Variants in USO1 observed in about 807,000 individuals in gnomAD.
The protein encoded by USO1 is USO1 vesicle transport factor.
USO1 carries 57 observed loss-of-function variants against 124.5 expected under a neutral mutation model. The ratio of observed to expected loss-of-function variants is 0.46; its 90% CI spans 0.37 to 0.57. The LOEUF is 0.57. Ranked by LOEUF, USO1 falls within the 20% of genes least tolerant of loss-of-function variation. The pLI is 0.00. For missense variants in USO1, 900 were observed against 1,040.6 expected, an observed-to-expected ratio of 0.86 and a Z score of 1.86; for synonymous variants, 369 against 362.8, an observed-to-expected ratio of 1.02 and a Z score of -0.19.
intron 1 of USO1, among the ~76,000 whole-genome samples, chr4:75,749,873 T>C (rs1721255072): frequency 6.6e-6 from 1 of 151,624 alleles, no homozygotes; most frequent in Non-Finnish European, 1.5e-5. Context: ...TGCCTCAGCC[T>C]CCTGAGTAGC....
At chr4:75,757,153 A>G (rs1361057008) in intron 3 of USO1, among the ~76,000 whole-genome samples, 1 of 152,098 alleles carries the variant, frequency 6.6e-6, no homozygotes, top group African/African-American at 2.4e-5. Flanking sequence ...ACTTGCTATT[A>G]TATCAAGAAT....
intron 4 of USO1, among the ~76,000 whole-genome samples, chr4:75,766,066 AC>A (rs1721761231): frequency 6.6e-6 from 1 of 152,158 alleles, no homozygotes; most frequent in Non-Finnish European, 1.5e-5. Flanking sequence ...GCCACCACTA[AC>A]CTAAGATATA....
intron 17 of USO1, among the ~76,000 whole-genome samples, chr4:75,801,683 C>T (rs1327230431): frequency 6.6e-6 from 1 of 152,302 alleles, no homozygotes; most frequent in East Asian, 1.9e-4. Context: ...CATCCCCTTC[C>T]CTCTACTGCT....
chr4:75,728,797 T>TTTTTG (rs745893624), intron 1 of USO1, among the ~76,000 whole-genome samples: 2 of 152,150 alleles, frequency 1.3e-5, no homozygotes, highest in Non-Finnish European at 2.9e-5. Context: ...TTTGTTTTTG[T>TTTTTG]TTTTGTTTTG....
intron 11 of USO1, 103 bp from the exon 12 acceptor site, chr4:75,790,540 G>A: frequency 5.5e-6 from 8 of 1,457,028 alleles, no homozygotes; most frequent in Non-Finnish European, 7.3e-6. Flanking sequence ...TAACTTGCTG[G>A]TGTTCTGGTT....
chr4:75,763,089 A>G (rs894129565), intron 4 of USO1, among the ~76,000 whole-genome samples: 1 of 152,258 alleles, frequency 6.6e-6, no homozygotes, highest in African/African-American at 2.4e-5. Flanking sequence ...TGAACTTAGT[A>G]TAGAATAGAA....
At chr4:75,761,607 G>A (rs918729012) in intron 4 of USO1, among the ~76,000 whole-genome samples, 3 of 151,958 alleles carry the variant, frequency 2.0e-5, no homozygotes, top group South Asian at 2.1e-4. Context: ...ACCTTAACTC[G>A]TAGAACTCAC....
At position 75,790,384 on chromosome 4, in the gene USO1, G is replaced by A. The variant is rs1722494136; in HGVS notation, c.1085+146G>A. On this transcript the variant is annotated intron_variant, in intron 11 of 23. Coordinates refer to ENST00000514213, the MANE Select transcript of USO1 (RefSeq NM_003715.4). ...ATTATCTGACAAGATAAATGATATT[G>A]ATATTTTAAAAGAGTTGGTAGTCTT... The A allele has an allele frequency of 4.0e-6, 5 of 1,242,966 alleles. No individual in the cohort carries two copies. The East Asian group carries it at 1.3e-4, about 32-fold the overall frequency. The allele number at this position is 1,242,966 out of a possible 1,614,324, so 77.0% of individuals were successfully genotyped here. A position where few individuals can be genotyped will look rare whatever the true frequency, so the allele number is the denominator to read the frequency against.
At chr4:75,793,090 G>C (rs940460042) in intron 12 of USO1, among the ~76,000 whole-genome samples, 6 of 150,860 alleles carry the variant, frequency 4.0e-5, no homozygotes, top group Non-Finnish European at 8.8e-5. Context: ...TCATTGTTTT[G>C]TATGGCTGAA....
At chr4:75,778,277 G>A (rs1722126684) in intron 8 of USO1, among the ~76,000 whole-genome samples, 1 of 152,042 alleles carries the variant, frequency 6.6e-6, no homozygotes, top group African/African-American at 2.4e-5. Flanking sequence ...TACGTTGTAT[G>A]TATTATATAC....
chr4:75,799,186 T>G (rs1334812681), intron 13 of USO1, among the ~76,000 whole-genome samples: 1 of 148,940 alleles, frequency 6.7e-6, no homozygotes. Flanking sequence ...TTTTTTGTTT[T>G]TTGGTTTTTT....
At chr4:75,806,677 A>C in intron 20 of USO1, 105 bp downstream of exon 20, 2 of 1,397,166 alleles carry the variant, frequency 1.4e-6, no homozygotes, top group Non-Finnish European at 1.9e-6. Context: ...AGATGTAAGT[A>C]AAATTTAAGT....
At chr4:75,764,943 T>G (rs1477247596) in intron 4 of USO1, among the ~76,000 whole-genome samples, 2 of 152,196 alleles carry the variant, frequency 1.3e-5, no homozygotes, top group Non-Finnish European at 2.9e-5. Context: ...ACAGAGCATA[T>G]ACTCCCCATC....
chr4:75,766,641 C>T (rs892557392), intron 4 of USO1, among the ~76,000 whole-genome samples: 1 of 152,196 alleles, frequency 6.6e-6, no homozygotes, highest in Non-Finnish European at 1.5e-5. Context: ...GTGATGATGA[C>T]AGTGCTTCTG....
chr4:75,811,409 G>C (rs535463019), intron 22 of USO1, among the ~76,000 whole-genome samples: 82 of 151,644 alleles, frequency 5.4e-4, no homozygotes, highest in African/African-American at 1.8e-3. Context: ...GCCCGCATTG[G>C]CCCCCCCCAA....
chr4:75,786,286 G>A (rs997714357), intron 9 of USO1, among the ~76,000 whole-genome samples: 37 of 152,026 alleles, frequency 2.4e-4, no homozygotes, highest in African/African-American at 7.5e-4. Context: ...GATTACTTCT[G>A]TGTATCTCCT....
chr4:75,729,107 T>A (rs1030760526), intron 1 of USO1, among the ~76,000 whole-genome samples: 3 of 151,878 alleles, frequency 2.0e-5, no homozygotes, highest in African/African-American at 7.3e-5. Flanking sequence ...CAGAGTCGGG[T>A]ACTTTTACAT....
intron 22 of USO1, among the ~76,000 whole-genome samples, chr4:75,811,708 T>C (rs1394970303): frequency 6.6e-6 from 1 of 152,230 alleles, no homozygotes; most frequent in African/African-American, 2.4e-5. Context: ...ATTATTTTAT[T>C]TTTAAACCAT....
intron 4 of USO1, among the ~76,000 whole-genome samples, chr4:75,769,422 G>C (rs1418275380): frequency 6.6e-6 from 1 of 152,120 alleles, no homozygotes; most frequent in Non-Finnish European, 1.5e-5. Context: ...TAAACAATTA[G>C]ATGGGATTAT....
Sources: allele counts gnomAD v4.1 joint callset (sites outside exome capture counted in the v4.1 genomes callset), GRCh38; gene constraint gnomAD v4.1.1; transcripts MANE v1.5; gene names NCBI Gene and HGNC (gene_info 2026-07-23, HGNC 2026-07-21).